DDC: variants seen among roughly 807,000 people sequenced by gnomAD.
DDC encodes the protein dopa decarboxylase, also known as aromatic-L-amino-acid decarboxylase.
In DDC, 43 loss-of-function variants were observed where a neutral mutation model predicts 60.0. That is an observed-to-expected ratio of 0.72 (90% CI 0.56 to 0.92). The LOEUF is 0.92. Ranked by LOEUF, DDC falls within the 40% of genes least tolerant of loss-of-function variation. The pLI is 0.00. For synonymous variants in DDC, 232 were observed against 234.6 expected, an observed-to-expected ratio of 0.99 and a Z score of 0.10; for missense variants, 573 against 620.2, an observed-to-expected ratio of 0.92 and a Z score of 0.81.
intron 7 of DDC, among the ~76,000 whole-genome samples, chr7:50,501,386 A>G (rs1218181853): frequency 6.6e-6 from 1 of 151,400 alleles, no homozygotes; most frequent in African/African-American, 2.4e-5. Context: ...GACTTCAACT[A>G]TCCACTTTTT....
At chr7:50,503,030 CCCAGGAGAGGAGGGT>C (rs1371571867) in intron 7 of DDC, among the ~76,000 whole-genome samples, 2 of 152,202 alleles carry the variant, frequency 1.3e-5, no homozygotes, top group African/African-American at 2.4e-5. Context: ...GAGGCCAACG[CCCAGGAGAGGAGGGT>C]CCACTCCTCT....
intron 9 of DDC, among the ~76,000 whole-genome samples, chr7:50,490,637 C>T (rs35591152): frequency 7.9e-5 from 12 of 151,714 alleles, no homozygotes; most frequent in Non-Finnish European, 1.6e-4. Flanking sequence ...GCCACTGAGC[C>T]GAGATCATGC....
At chr7:50,496,495 C>T (rs1267756592) in intron 8 of DDC, among the ~76,000 whole-genome samples, 1 of 152,104 alleles carries the variant, frequency 6.6e-6, no homozygotes, top group Admixed American at 6.5e-5. Context: ...CTGCATGCAT[C>T]AGTGTTAGGG....
At chr7:50,525,385 A>C (rs940178249) in intron 6 of DDC, among the ~76,000 whole-genome samples, 1 of 152,198 alleles carries the variant, frequency 6.6e-6, no homozygotes, top group African/African-American at 2.4e-5. Context: ...AAGTTGGAAC[A>C]ATTAGGGGAA....
intron 13 of DDC, among the ~76,000 whole-genome samples, chr7:50,465,168 A>G (rs183334480): frequency 2.0e-5 from 3 of 152,364 alleles, no homozygotes; most frequent in Non-Finnish European, 4.4e-5. Context: ...GAAAACAGTC[A>G]TAAAAGGCAA....
At chr7:50,475,701 T>A (rs1274572144) in intron 11 of DDC, among the ~76,000 whole-genome samples, 3 of 151,898 alleles carry the variant, frequency 2.0e-5, no homozygotes, top group Non-Finnish European at 4.4e-5. Flanking sequence ...TCATTTTTTT[T>A]TTTTTTGAGA....
intron 6 of DDC, among the ~76,000 whole-genome samples, chr7:50,525,556 G>T (rs2044014680): frequency 6.6e-6 from 1 of 152,102 alleles, no homozygotes; most frequent in Non-Finnish European, 1.5e-5. Context: ...CTGCAGTCAG[G>T]GGTTCGAGAC....
chr7:50,504,607 G>A, intron 6 of DDC, among the ~76,000 whole-genome samples: 1 of 151,054 alleles, frequency 6.6e-6, no homozygotes, highest in East Asian at 1.9e-4. Flanking sequence ...ATATATATAT[G>A]TGTGTGTATA....
At chr7:50,503,703 C>G (rs1442387748) in intron 7 of DDC, among the ~76,000 whole-genome samples, 1 of 152,206 alleles carries the variant, frequency 6.6e-6, no homozygotes, top group Non-Finnish European at 1.5e-5. Context: ...TTATTCTCCT[C>G]AACAGGGCCA....
intron 9 of DDC, among the ~76,000 whole-genome samples, chr7:50,494,805 G>A (rs1053120939): frequency 6.6e-6 from 1 of 151,968 alleles, no homozygotes; most frequent in Non-Finnish European, 1.5e-5. Context: ...GGGATTACAG[G>A]CATGCACTAC....
intron 6 of DDC, among the ~76,000 whole-genome samples, chr7:50,515,551 A>G (rs2043703743): frequency 6.6e-6 from 1 of 152,238 alleles, no homozygotes; most frequent in South Asian, 2.1e-4. Context: ...ACAGGCAACA[A>G]AGAGCATGAT....
chr7:50,472,896 C>T (rs1255310505), intron 11 of DDC, among the ~76,000 whole-genome samples: 1 of 152,174 alleles, frequency 6.6e-6, no homozygotes, highest in Non-Finnish European at 1.5e-5. Flanking sequence ...GGGATCTTCT[C>T]CCCAGACTGA....
intron 3 of DDC, among the ~76,000 whole-genome samples, chr7:50,538,614 C>T (rs1402175454): frequency 6.6e-6 from 1 of 152,240 alleles, no homozygotes; most frequent in Non-Finnish European, 1.5e-5. Context: ...CTACCTGAGC[C>T]TGGCCAAGCC....
chr7:50,538,032 G>A, intron 3 of DDC, 53 bp from the exon 4 acceptor site: 3 of 1,612,428 alleles, frequency 1.9e-6, no homozygotes, highest in Admixed American at 1.7e-5. Context: ...TGCAGAATTT[G>A]GGGGTCAGCA....
At chr7:50,468,482 A>G (rs1671414738) in intron 12 of DDC, among the ~76,000 whole-genome samples, 1 of 152,150 alleles carries the variant, frequency 6.6e-6, no homozygotes, top group African/African-American at 2.4e-5. Context: ...GGGATTTCCT[A>G]CCCAGGAATT....
intron 6 of DDC, among the ~76,000 whole-genome samples, chr7:50,513,619 T>C (rs1367627326): frequency 6.6e-6 from 1 of 152,082 alleles, no homozygotes; most frequent in Non-Finnish European, 1.5e-5. Context: ...GAAACAGACT[T>C]GGGGCTCTTG....
intron 14 of DDC, among the ~76,000 whole-genome samples, chr7:50,460,230 A>G (rs1585124235): frequency 9.4e-6 from 1 of 105,924 alleles, no homozygotes; most frequent in East Asian, 3.2e-4. Context: ...TCCGGGAGGG[A>G]GGTGGGGGGT....
At chr7:50,493,345 G>A (rs2043052003) in intron 9 of DDC, among the ~76,000 whole-genome samples, 1 of 152,186 alleles carries the variant, frequency 6.6e-6, no homozygotes, top group Non-Finnish European at 1.5e-5. Context: ...CTCAAGGGTG[G>A]TTCTAGGGCT....
chr7:50,483,931 G>T (rs925030197), intron 9 of DDC, among the ~76,000 whole-genome samples: 2 of 151,904 alleles, frequency 1.3e-5, no homozygotes, highest in African/African-American at 4.8e-5. Context: ...AATAATTTGG[G>T]TATTTCTGCT....
Sources: gnomAD v4.1 joint callset for allele counts (sites outside exome capture counted in the v4.1 genomes callset) on GRCh38, gnomAD v4.1.1 for gene constraint, MANE v1.5 for transcripts, NCBI Gene and HGNC (gene_info 2026-07-23, HGNC 2026-07-21) for gene names.